Variants in SLC18B1 observed in about 807,000 individuals in gnomAD.
The protein encoded by SLC18B1 is MFS-type transporter SLC18B1.
Under a neutral mutation model 53.9 loss-of-function variants are expected in SLC18B1, and 62 were observed. That is an observed-to-expected ratio of 1.15 (90% CI 0.94 to 1.42). The LOEUF is 1.42. Ranked by LOEUF, SLC18B1 falls within the 40% of genes most tolerant of loss-of-function variation. The pLI is 0.00. For missense variants in SLC18B1, 598 were observed against 547.3 expected, an observed-to-expected ratio of 1.09 and a Z score of -0.93; for synonymous variants, 217 against 200.9, an observed-to-expected ratio of 1.08 and a Z score of -0.68.
intron 4 of SLC18B1, among the ~76,000 whole-genome samples, chr6:132,787,976 A>G (rs1781423685): frequency 6.6e-6 from 1 of 151,998 alleles, no homozygotes; most frequent in Non-Finnish European, 1.5e-5. Context: ...CCTGGCCAAC[A>G]CGGTGAAACC....
chr6:132,778,117 G>A (rs1182881001), intron 7 of SLC18B1, among the ~76,000 whole-genome samples: 2 of 150,440 alleles, frequency 1.3e-5, no homozygotes, highest in Non-Finnish European at 1.5e-5. Flanking sequence ...GTGCAGGGTG[G>A]GGAATATCAT....
rs774382092 is a variant in SLC18B1 at position 132,784,103 on chromosome 6, A to G, written c.502-14T>C. The stretch of plus-strand genomic sequence containing the variant: ...CTCAAGACTTCCCTTAAAATGAGAA[A>G]AAGAAAAAATCAGTTTAAATATTTC... On this transcript the variant is annotated splice_polypyrimidine_tract_variant and intron_variant, in intron 5 of 13. Coordinates refer to ENST00000275227, the MANE Select transcript of SLC18B1 (RefSeq NM_052831.3). 1 of 1,537,506 alleles carries G rather than the reference A, an allele frequency of 6.5e-7. No homozygotes were observed. Among genetic ancestry groups the G allele is most frequent in the South Asian group, 1.3e-5 (1 of 77,878 alleles).
At chr6:132,771,305 G>A (rs539433639) in intron 11 of SLC18B1, among the ~76,000 whole-genome samples, 176 bp from the exon 12 acceptor site, 97 of 152,176 alleles carry the variant, frequency 6.4e-4, no homozygotes, top group African/African-American at 2.2e-3. Context: ...ACCTGATAAT[G>A]ACATTCAAAA....
At chr6:132,792,344 G>C (rs951648338) in intron 2 of SLC18B1, among the ~76,000 whole-genome samples, 2 of 103,244 alleles carry the variant, frequency 1.9e-5, no homozygotes, top group Non-Finnish European at 3.6e-5. Flanking sequence ...AGGAAGGAAG[G>C]AAGGAAGGAA....
intron 2 of SLC18B1, among the ~76,000 whole-genome samples, chr6:132,793,462 T>A (rs1781599382): frequency 6.6e-6 from 1 of 152,222 alleles, no homozygotes; most frequent in African/African-American, 2.4e-5. Context: ...AAGTAGCAAA[T>A]GTAAGAAGTC....
At position 132,793,777 on chromosome 6, in the gene SLC18B1, G is replaced by A. The variant is rs1164353239; in HGVS notation, c.183+3205C>T. On this transcript the variant is annotated intron_variant, in intron 2 of 13. Transcript: ENST00000275227. ...ACTTTGATGTGACCGTGCATGTACT[G>A]AGTCTCTACTACCTGTACATGAACT... 2.6e-5 allele frequency among the ~76,000 whole-genome samples: 4 copies of A among 152,312 alleles called. No individual in the cohort carries two copies. In the East Asian group the frequency reaches 5.8e-4, roughly 22 times the overall value.
chr6:132,796,243 T>C (rs1164334230), intron 2 of SLC18B1, among the ~76,000 whole-genome samples: 3 of 146,632 alleles, frequency 2.0e-5, no homozygotes, highest in Non-Finnish European at 3.0e-5. Flanking sequence ...TAGTCCCAGC[T>C]ACTTGGGAGG....
chr6:132,797,086 C>T lies in SLC18B1; in HGVS notation c.79G>A (p.Gly27Arg), dbSNP rs1347112375. ...AAAACCTGTTCTCTCGAAAGCCACC[C>T]GGGGGTCTCTCCTGCACTTCCTGCA... ...DPAGSAGETP[G>R]WLSREQVFVL... The change falls in exon 2 of 14, where the codon GGG (glycine) becomes AGG (arginine). Residue 27 changes from glycine to arginine, a missense_variant. Physicochemically the swap from Gly to Arg is moderately radical, Grantham distance 125. Coordinates refer to ENST00000275227, the MANE Select transcript of SLC18B1 (RefSeq NM_052831.3). 2 of 1,614,090 alleles carry T rather than the reference C, an allele frequency of 1.2e-6. No homozygotes were observed. Among genetic ancestry groups the T allele is most frequent in the South Asian group, 1.1e-5 (1 of 91,076 alleles).
chr6:132,784,365 G>A (rs912312892), intron 5 of SLC18B1, among the ~76,000 whole-genome samples: 11 of 151,742 alleles, frequency 7.2e-5, no homozygotes, highest in East Asian at 3.9e-4. Context: ...ATGAAAATAC[G>A]AAAACTATGC....
At chr6:132,772,282 A>T (rs1037606084) in intron 10 of SLC18B1, 76 bp from the exon 11 acceptor site, 2 of 846,160 alleles carry the variant, frequency 2.4e-6, no homozygotes, top group Non-Finnish European at 3.6e-6. Context: ...TGATAGATCA[A>T]TTAAGATAAA....
At chr6:132,791,079 C>T (rs1781513348) in intron 2 of SLC18B1, among the ~76,000 whole-genome samples, 1 of 152,110 alleles carries the variant, frequency 6.6e-6, no homozygotes, top group Non-Finnish European at 1.5e-5. Context: ...ATTGCAAATC[C>T]TTAAATCAGG....
At chr6:132,782,996 A>G (rs539651255) in intron 6 of SLC18B1, among the ~76,000 whole-genome samples, 1 of 152,014 alleles carries the variant, frequency 6.6e-6, no homozygotes, top group Non-Finnish European at 1.5e-5. Context: ...GCCGGTCTCA[A>G]ACTCCTGACC....
intron 5 of SLC18B1, among the ~76,000 whole-genome samples, chr6:132,786,476 G>A (rs997820737): frequency 6.6e-6 from 1 of 151,328 alleles, no homozygotes; most frequent in Admixed American, 6.6e-5. Context: ...GTGAACCCGG[G>A]AGGCGGAGCT....
chr6:132,784,850 T>C (rs1362929408), intron 5 of SLC18B1, among the ~76,000 whole-genome samples: 1 of 152,196 alleles, frequency 6.6e-6, no homozygotes, highest in Non-Finnish European at 1.5e-5. Flanking sequence ...AACCAGGTTA[T>C]ATCCACGCAG....
intron 2 of SLC18B1, among the ~76,000 whole-genome samples, chr6:132,793,327 C>T (rs1038757548): frequency 6.6e-6 from 1 of 152,204 alleles, no homozygotes; most frequent in Non-Finnish European, 1.5e-5. Flanking sequence ...TTGTTGACCA[C>T]AAGATTTTAA....
At chr6:132,785,956 G>A (rs953300214) in intron 5 of SLC18B1, among the ~76,000 whole-genome samples, 9 of 149,080 alleles carry the variant, frequency 6.0e-5, no homozygotes, top group Non-Finnish European at 1.2e-4. Flanking sequence ...AAAAAAAATG[G>A]TTCCATAGTT....
intron 6 of SLC18B1, among the ~76,000 whole-genome samples, chr6:132,780,178 A>G (rs553363718): frequency 3.2e-4 from 49 of 151,660 alleles, no homozygotes; most frequent in Non-Finnish European, 5.9e-4. Context: ...AGTTTACTGC[A>G]GCCTCCAACT....
chr6:132,790,036 G>C (rs1781482947), intron 3 of SLC18B1, 141 bp downstream of exon 3: 2 of 726,212 alleles, frequency 2.8e-6, no homozygotes, highest in Admixed American at 2.9e-5. Flanking sequence ...ACTCTGAGGA[G>C]AGAACTGTCA....
At chr6:132,792,181 T>C (rs1781539158) in intron 2 of SLC18B1, among the ~76,000 whole-genome samples, 2 of 148,046 alleles carry the variant, frequency 1.4e-5, no homozygotes, top group Admixed American at 6.8e-5. Flanking sequence ...TGAGCCAAGA[T>C]TGTGCTACTG....
Sources: allele counts gnomAD v4.1 joint callset (sites outside exome capture counted in the v4.1 genomes callset), GRCh38; gene constraint gnomAD v4.1.1; transcripts MANE v1.5; gene names NCBI Gene and HGNC (gene_info 2026-07-23, HGNC 2026-07-21).